The following TENT5D variants were observed in gnomAD, a reference collection of about 807,000 sequenced individuals.
TENT5D encodes terminal nucleotidyltransferase 5D.
For missense variants in TENT5D, 191 were observed against 287.0 expected, an observed-to-expected ratio of 0.67 and a Z score of 2.42; for synonymous variants, 103 against 100.6, an observed-to-expected ratio of 1.02 and a Z score of -0.15.
At chrX:80,403,526 G>A (rs1295863731) in intron 3 of TENT5D, among the ~76,000 whole-genome samples, 2 of 112,293 alleles carry the variant, frequency 1.8e-5, no homozygotes, top group African/African-American at 6.5e-5. Context: ...CAGCACTGTC[G>A]ACATTTAGGT....
intron 1 of TENT5D, among the ~76,000 whole-genome samples, chrX:80,424,071 G>A (rs1226510808): frequency 4.5e-5 from 5 of 110,719 alleles, no homozygotes; most frequent in Non-Finnish European, 9.4e-5. Context: ...CTGTTAGGGA[G>A]ATTAAGCGTT....
intron 3 of TENT5D, among the ~76,000 whole-genome samples, chrX:80,383,031 C>G (rs868813765): frequency 8.9e-6 from 1 of 111,761 alleles, no homozygotes; most frequent in Middle Eastern, 4.7e-3. Context: ...TGAGGTGAAC[C>G]ATGTACCTCA....
intron 3 of TENT5D, among the ~76,000 whole-genome samples, chrX:80,371,218 AG>A (rs746425214): frequency 4.5e-5 from 5 of 111,798 alleles, no homozygotes; most frequent in Admixed American, 9.5e-5. Context: ...TTTTCTGAGC[AG>A]GAGGTCTTAA....
At chrX:80,344,125 G>A (rs1177523743) in intron 3 of TENT5D, among the ~76,000 whole-genome samples, 1 of 110,258 alleles carries the variant, frequency 9.1e-6, no homozygotes, top group Non-Finnish European at 1.9e-5. Flanking sequence ...CAAATGACAT[G>A]ATTTTATTCT....
rs772341398 is a variant in TENT5D at position 80,387,422 on chromosome X, A to G, written c.-142+44858A>G. Among the ~76,000 whole-genome samples the G allele has an allele frequency of 2.0e-3, 223 of 112,036 alleles. 3 individuals are homozygous for G. The highest frequency in any genetic ancestry group is 6.4e-3 in the African/African-American group (198 of 30,842). ...CGAAGGAACTTGGGTGTTGTGATCTAAGTTTTTAGTTACTGAAGCCTTATC... is the reference window on the plus strand; with the variant it reads ...CGAAGGAACTTGGGTGTTGTGATCTGAGTTTTTAGTTACTGAAGCCTTATC... On this transcript the variant is annotated intron_variant, in intron 3 of 4. Transcript: ENST00000538312.
intron 1 of TENT5D, among the ~76,000 whole-genome samples, chrX:80,433,050 C>G (rs1267473936): frequency 9.0e-6 from 1 of 111,230 alleles, no homozygotes; most frequent in Non-Finnish European, 1.9e-5. Context: ...ACTGATGATT[C>G]ATAGAGACTG....
At chrX:80,410,778 T>G (rs942190980) in intron 3 of TENT5D, among the ~76,000 whole-genome samples, 13 of 110,105 alleles carry the variant, frequency 1.2e-4, no homozygotes, top group Non-Finnish European at 2.3e-4. Context: ...CTTGCTACTA[T>G]AAAGACACAT....
At chrX:80,385,899 T>C (rs1347339570) in intron 3 of TENT5D, among the ~76,000 whole-genome samples, 2 of 111,881 alleles carry the variant, frequency 1.8e-5, no homozygotes, top group African/African-American at 3.2e-5. Context: ...GTTAGAATGG[T>C]GATCATTAAA....
At chrX:80,373,762 T>C (rs1286610104) in intron 3 of TENT5D, among the ~76,000 whole-genome samples, 1 of 111,861 alleles carries the variant, frequency 8.9e-6, no homozygotes, top group African/African-American at 3.2e-5. Context: ...TTTGCTGTTA[T>C]CATGCTCCTG....
intron 1 of TENT5D, among the ~76,000 whole-genome samples, chrX:80,430,469 T>C (rs1211291098): frequency 1.8e-5 from 2 of 111,219 alleles, no homozygotes; most frequent in Admixed American, 9.6e-5. Flanking sequence ...TGGGGAGTTA[T>C]TTTTTGTAGG....
At chrX:80,356,851 G>A (rs1330193022) in intron 3 of TENT5D, among the ~76,000 whole-genome samples, 1 of 110,988 alleles carries the variant, frequency 9.0e-6, no homozygotes, top group Non-Finnish European at 1.9e-5. Flanking sequence ...ATGTTGGTGT[G>A]CTGCACCCAT....
intron 3 of TENT5D, among the ~76,000 whole-genome samples, chrX:80,408,594 T>G (rs945823328): frequency 4.5e-5 from 5 of 110,644 alleles, no homozygotes; most frequent in Non-Finnish European, 9.5e-5. Flanking sequence ...GCTGAAATTG[T>G]GGCAATAATC....
intron 3 of TENT5D, among the ~76,000 whole-genome samples, chrX:80,370,736 G>T (rs1386617982): frequency 3.7e-5 from 4 of 109,307 alleles, no homozygotes; most frequent in Non-Finnish European, 5.7e-5. Context: ...TATCTCATTG[G>T]TTTTTTTTTA....
intron 3 of TENT5D, among the ~76,000 whole-genome samples, chrX:80,359,100 T>C (rs77409810): frequency 8.9e-6 from 1 of 112,323 alleles, no homozygotes; most frequent in African/African-American, 3.2e-5. Context: ...AAAACCAGAA[T>C]GAGATACCAT....
At chrX:80,418,795 A>G (rs1931827674), upstream of TENT5D, among the ~76,000 whole-genome samples, 1 of 111,826 alleles carries the variant, frequency 8.9e-6, no homozygotes, top group Non-Finnish European at 1.9e-5. Flanking sequence ...TTAAACATGT[A>G]GTACTTTACA....
chrX:80,373,095 A>G (rs1279398344), intron 3 of TENT5D, among the ~76,000 whole-genome samples: 2 of 111,011 alleles, frequency 1.8e-5, no homozygotes, highest in African/African-American at 3.3e-5. Flanking sequence ...GTATGTTGCT[A>G]TTGCCTATTT....
At chrX:80,345,133 A>C (rs990917377) in intron 3 of TENT5D, among the ~76,000 whole-genome samples, 1 of 111,973 alleles carries the variant, frequency 8.9e-6, no homozygotes, top group African/African-American at 3.2e-5. Context: ...AATGGTCAGA[A>C]AAGTTGGAAC....
At chrX:80,392,666 G>A (rs1216494417) in intron 3 of TENT5D, among the ~76,000 whole-genome samples, 8 of 103,925 alleles carry the variant, frequency 7.7e-5, no homozygotes, top group East Asian at 6.1e-4. Context: ...ACAGGCGCCC[G>A]CCACCGCGCC....
intron 3 of TENT5D, among the ~76,000 whole-genome samples, chrX:80,363,868 G>A (rs1448764369): frequency 8.9e-6 from 1 of 112,411 alleles, no homozygotes; most frequent in East Asian, 2.8e-4. Context: ...TTTGATACAT[G>A]TAGACATTGT....
Sources: gnomAD v4.1 joint callset for allele counts (sites outside exome capture counted in the v4.1 genomes callset) on GRCh38, gnomAD v4.1.1 for gene constraint, MANE v1.5 for transcripts, NCBI Gene and HGNC (gene_info 2026-07-23, HGNC 2026-07-21) for gene names.